TENM3: variants seen among roughly 807,000 people sequenced by gnomAD.
The protein encoded by TENM3 is teneurin transmembrane protein 3.
In TENM3, 63 loss-of-function variants were observed where a neutral mutation model predicts 255.1. The ratio of observed to expected loss-of-function variants is 0.25; its 90% confidence interval spans 0.20 to 0.30. The LOEUF (loss-of-function observed/expected upper bound fraction) is 0.30. Ranked by LOEUF, TENM3 falls within the 10% of genes least tolerant of loss-of-function variation. The pLI, the probability that TENM3 is intolerant of heterozygous loss-of-function variation, is 1.00. For synonymous variants in TENM3, 1,306 were observed against 1,322.3 expected (o/e 0.99, Z 0.27); for missense variants, 2,929 against 3,461.1 (o/e 0.85, Z 3.86).
At chr4:182,612,092 AC>A (rs1035382913) in intron 4 of TENM3, among the ~76,000 whole-genome samples, 3 of 151,114 alleles carry the variant, frequency 2.0e-5, no homozygotes, top group Non-Finnish European at 4.4e-5. Context: ...ACACGGTGAA[AC>A]CCCGTCTCTA....
intron 4 of TENM3, among the ~76,000 whole-genome samples, chr4:182,621,764 A>T (rs1750261896): frequency 5.1e-5 from 3 of 59,054 alleles, no homozygotes; most frequent in African/African-American, 1.9e-4. Flanking sequence ...AATATATAAT[A>T]ATTATATATT....
At chr4:182,601,264 T>A in intron 4 of TENM3, 103 bp downstream of exon 4, 2 of 961,212 alleles carry the variant, frequency 2.1e-6, no homozygotes, top group Non-Finnish European at 1.6e-6. Flanking sequence ...GTTTTGTTGT[T>A]GTTGTGTTTT....
the TENM3 span, among the ~76,000 whole-genome samples, chr4:181,659,170 T>C: frequency 6.6e-6 from 1 of 152,206 alleles, no homozygotes; most frequent in African/African-American, 2.4e-5. Flanking sequence ...TTGCAAAATA[T>C]AGTAATTAAG....
chr4:182,528,590 C>G (rs1739464878), intron 3 of TENM3, among the ~76,000 whole-genome samples: 1 of 151,978 alleles, frequency 6.6e-6, no homozygotes, highest in African/African-American at 2.4e-5. Flanking sequence ...TTTATTCATG[C>G]AAAAATGCTT....
At chr4:182,527,331 C>T (rs921270342) in intron 3 of TENM3, among the ~76,000 whole-genome samples, 13 of 152,078 alleles carry the variant, frequency 8.5e-5, no homozygotes, top group African/African-American at 9.7e-5. Context: ...AATTATGACG[C>T]GGTTGTCACC....
At chr4:182,596,801 C>T (rs1003968369) in intron 3 of TENM3, among the ~76,000 whole-genome samples, 36 of 152,098 alleles carry the variant, frequency 2.4e-4, no homozygotes, top group African/African-American at 6.3e-4. Context: ...AGGAGTAAAT[C>T]GACATGTTCA....
the TENM3 span, among the ~76,000 whole-genome samples, chr4:182,072,136 A>G: frequency 6.6e-6 from 1 of 152,200 alleles, no homozygotes; most frequent in African/African-American, 2.4e-5. Context: ...TCCTTGCATG[A>G]TGATAATCCT....
rs1470014606 is a variant in TENM3 at position 182,282,892 on chromosome 4, C to CA, written c.-76+39417dup. Among the ~76,000 whole-genome samples the CA allele has an allele frequency of 7.7e-3, 689 of 89,302 alleles. 11 individuals are homozygous for CA. Among genetic ancestry groups the CA allele is most frequent in the African/African-American group, 0.032 (654 of 20,212 alleles). The allele number at this position is 89,302 out of a possible 152,430, so 58.6% of individuals were successfully genotyped here. A position where few individuals can be genotyped will look rare whatever the true frequency, so the allele number is the denominator to read the frequency against. ...TGGGTGGCAGAGTGAGACTCCATTT[C>CA]AGAAAAAAAAAAAAAAAAAAAAAAT... On this transcript the variant is annotated intron_variant, in intron 1 of 27. Transcript: ENST00000511685.
intron 3 of TENM3, among the ~76,000 whole-genome samples, chr4:182,449,775 C>T (rs1773296503): frequency 6.6e-6 from 1 of 152,202 alleles, no homozygotes; most frequent in Admixed American, 6.5e-5. Context: ...ATAGAGCAGT[C>T]TCTCAGAGAA....
At chr4:182,059,877 TAG>T in the TENM3 span, among the ~76,000 whole-genome samples, 1 of 151,872 alleles carries the variant, frequency 6.6e-6, no homozygotes, top group Non-Finnish European at 1.5e-5. Context: ...AGGATGGGGT[TAG>T]CCATGATTGT....
chr4:181,725,432 T>TC, the TENM3 span, among the ~76,000 whole-genome samples: 1 of 151,374 alleles, frequency 6.6e-6, no homozygotes, highest in Non-Finnish European at 1.5e-5. Flanking sequence ...TTTTTTTTTT[T>TC]TTTTCTGAAA....
the TENM3 span, among the ~76,000 whole-genome samples, chr4:181,879,291 GAGAAAGTAGAGA>G: frequency 6.6e-6 from 1 of 152,034 alleles, no homozygotes. Context: ...GGGGGAGGGA[GAGAAAGTAGAGA>G]GAGGGAGGGA....
chr4:181,477,991 C>T, the TENM3 span, among the ~76,000 whole-genome samples: 1 of 152,172 alleles, frequency 6.6e-6, no homozygotes, highest in Non-Finnish European at 1.5e-5. Flanking sequence ...TTGCAGCTTG[C>T]TTGTGTACAT....
chr4:181,738,335 AACAC>A, the TENM3 span, among the ~76,000 whole-genome samples: 1 of 152,204 alleles, frequency 6.6e-6, no homozygotes, highest in African/African-American at 2.4e-5. Context: ...GAAACAGTGG[AACAC>A]ACGTTCTGTT....
chr4:182,032,884 G>C, the TENM3 span, among the ~76,000 whole-genome samples: 2 of 152,018 alleles, frequency 1.3e-5, no homozygotes, highest in Non-Finnish European at 2.9e-5. Flanking sequence ...TGTGGGGTCA[G>C]TGATGATGTC....
chr4:182,577,297 A>AG (rs1745031916), intron 3 of TENM3, among the ~76,000 whole-genome samples: 1 of 152,014 alleles, frequency 6.6e-6, no homozygotes, highest in Non-Finnish European at 1.5e-5. Flanking sequence ...GCTTTAAAAA[A>AG]GCAGGAAAGT....
At chr4:181,899,609 C>G in the TENM3 span, among the ~76,000 whole-genome samples, 166 of 151,936 alleles carry the variant, frequency 1.1e-3, 1 homozygote, top group African/African-American at 3.8e-3. Flanking sequence ...CTCTCTGTCA[C>G]CAGGCTGGAG....
At chr4:182,541,296 G>T (rs1425634033) in intron 3 of TENM3, among the ~76,000 whole-genome samples, 2 of 152,168 alleles carry the variant, frequency 1.3e-5, no homozygotes, top group East Asian at 3.9e-4. Context: ...CTAAGCCATA[G>T]AAAGTGATTC....
the TENM3 span, among the ~76,000 whole-genome samples, chr4:181,512,989 C>G: frequency 5.3e-5 from 8 of 152,144 alleles, no homozygotes; most frequent in Admixed American, 4.6e-4. Context: ...TGTAAGGAAA[C>G]AAATGGGCAA....
Sources: allele counts gnomAD v4.1 joint callset (sites outside exome capture counted in the v4.1 genomes callset), GRCh38; gene constraint gnomAD v4.1.1; transcripts MANE v1.5; gene names NCBI Gene and HGNC (gene_info 2026-07-23, HGNC 2026-07-21).